The following KSR2 variants were observed in gnomAD, a reference collection of about 807,000 sequenced individuals.
KSR2 encodes kinase suppressor of ras 2.
KSR2 carries 25 observed loss-of-function variants against 107.8 expected under a neutral mutation model. The ratio of observed to expected loss-of-function variants is 0.23; its 90% CI spans 0.17 to 0.32. The LOEUF (loss-of-function observed/expected upper bound fraction) is 0.32, where lower values mean the gene tolerates loss of function less well. Ranked by LOEUF, KSR2 falls within the 10% of genes least tolerant of loss-of-function variation. The pLI is 1.00. For missense variants in KSR2, 887 were observed against 1,268.9 expected, an observed-to-expected ratio of 0.70 and a Z score of 4.57; for synonymous variants, 480 against 507.0, an observed-to-expected ratio of 0.95 and a Z score of 0.71.
intron 14 of KSR2, among the ~76,000 whole-genome samples, chr12:117,491,730 T>C (rs997307309): frequency 1.3e-5 from 2 of 152,204 alleles, no homozygotes; most frequent in African/African-American, 4.8e-5. Flanking sequence ...CTGATTTCCG[T>C]TCCTCTGGAT....
intron 1 of KSR2, among the ~76,000 whole-genome samples, chr12:117,912,394 G>A (rs1278049423): frequency 1.3e-5 from 2 of 152,200 alleles, no homozygotes; most frequent in Non-Finnish European, 2.9e-5. Flanking sequence ...CACAAAAAAT[G>A]TACCTGTGAC....
In KSR2 at chr12:117,797,021, G is replaced by A. The variant is rs369286198; in HGVS notation, c.473-35497C>T. 9.2e-5 allele frequency among the ~76,000 whole-genome samples: 14 copies of A among 152,288 alleles called. No homozygotes were observed. The East Asian group carries it at 2.5e-3, about 27-fold the overall frequency. The stretch of plus-strand genomic sequence containing the variant: ...AAAGAACAAAGCCAACCCAGCCCCT[G>A]ATCCCCAGAGCTCACCATGCGGATG... On this transcript the variant is annotated intron_variant, in intron 3 of 19. Transcript: ENST00000339824.
intron 1 of KSR2, among the ~76,000 whole-genome samples, chr12:117,894,499 T>TA (rs989517130): frequency 2.0e-5 from 3 of 151,114 alleles, no homozygotes; most frequent in South Asian, 2.1e-4. Flanking sequence ...ATCTCATCCC[T>TA]AAAAAAAAAT....
intron 1 of KSR2, among the ~76,000 whole-genome samples, chr12:117,902,565 T>G (rs1894720260): frequency 6.6e-6 from 1 of 150,704 alleles, no homozygotes; most frequent in Admixed American, 6.6e-5. Context: ...AGTACAGATG[T>G]CATTAGACTC....
chr12:117,936,706 T>C (rs1242551360), intron 1 of KSR2, among the ~76,000 whole-genome samples: 1 of 152,050 alleles, frequency 6.6e-6, no homozygotes, highest in Non-Finnish European at 1.5e-5. Flanking sequence ...TCAGTGACTG[T>C]GAAAACAGCT....
At chr12:117,606,799 CCCTT>C (rs1881304709) in intron 5 of KSR2, among the ~76,000 whole-genome samples, 1 of 151,428 alleles carries the variant, frequency 6.6e-6, no homozygotes, top group Admixed American at 6.6e-5. Flanking sequence ...TTTCCTCCCT[CCCTT>C]CCTTTCTCCT....
chr12:117,858,363 G>A (rs2137236064), intron 2 of KSR2, among the ~76,000 whole-genome samples: 1 of 152,206 alleles, frequency 6.6e-6, no homozygotes, highest in Non-Finnish European at 1.5e-5. Flanking sequence ...TCATTCTAAG[G>A]ATATTTGCAA....
intron 15 of KSR2, among the ~76,000 whole-genome samples, chr12:117,484,927 C>T (rs76254155): frequency 1.9e-4 from 29 of 152,304 alleles, no homozygotes; most frequent in African/African-American, 6.7e-4. Flanking sequence ...ATCTACTTAA[C>T]CTATGCTGCC....
chr12:117,952,715 G>T (rs1042035597), intron 1 of KSR2, among the ~76,000 whole-genome samples: 1 of 151,710 alleles, frequency 6.6e-6, no homozygotes, highest in Non-Finnish European at 1.5e-5. Flanking sequence ...CGTGCGTGGC[G>T]GCTCACACCT....
At chr12:117,494,634 C>T (rs938298002) in intron 14 of KSR2, among the ~76,000 whole-genome samples, 3 of 152,058 alleles carry the variant, frequency 2.0e-5, no homozygotes, top group Non-Finnish European at 4.4e-5. Flanking sequence ...ACTGTATGCA[C>T]GACAGACCTA....
At chr12:117,545,816 G>A (rs1350497168) in intron 9 of KSR2, among the ~76,000 whole-genome samples, 1 of 151,988 alleles carries the variant, frequency 6.6e-6, no homozygotes, top group East Asian at 1.9e-4. Flanking sequence ...TTTTTAAATG[G>A]CTGCTGTAGG....
intron 4 of KSR2, among the ~76,000 whole-genome samples, chr12:117,751,935 T>C (rs1888625751): frequency 6.6e-6 from 1 of 152,160 alleles, no homozygotes; most frequent in African/African-American, 2.4e-5. Context: ...AGACTAGTCA[T>C]TCCTCTCTTG....
chr12:117,813,280 C>T (rs950601122), intron 3 of KSR2, among the ~76,000 whole-genome samples: 3 of 152,012 alleles, frequency 2.0e-5, no homozygotes, highest in Non-Finnish European at 4.4e-5. Context: ...AAAAAATAGA[C>T]AAATGGGATT....
intron 3 of KSR2, among the ~76,000 whole-genome samples, chr12:117,849,612 G>A (rs1324844745): frequency 1.3e-5 from 2 of 152,102 alleles, no homozygotes; most frequent in Non-Finnish European, 2.9e-5. Context: ...TTGGGCACTG[G>A]AAAATAAAGA....
chr12:117,513,748 TG>T (rs1168227232), intron 14 of KSR2, among the ~76,000 whole-genome samples: 5 of 151,840 alleles, frequency 3.3e-5, no homozygotes, highest in Admixed American at 2.6e-4. Flanking sequence ...GACGAGAGAG[TG>T]GATGGATACA....
chr12:117,908,261 G>A (rs1007103747), intron 1 of KSR2, among the ~76,000 whole-genome samples: 1 of 146,116 alleles, frequency 6.8e-6, no homozygotes. Flanking sequence ...CTTTGTTTGC[G>A]CCTTTTTTTT....
intron 1 of KSR2, among the ~76,000 whole-genome samples, chr12:117,898,890 C>A (rs916459103): frequency 2.0e-5 from 3 of 152,080 alleles, no homozygotes; most frequent in African/African-American, 4.8e-5. Flanking sequence ...TAATTGAATT[C>A]TTTGTTTTCC....
At chr12:117,488,498 G>A (rs760613070) in intron 14 of KSR2, among the ~76,000 whole-genome samples, 8 of 152,142 alleles carry the variant, frequency 5.3e-5, no homozygotes, top group Non-Finnish European at 8.8e-5. Context: ...AGATAATTAA[G>A]TCATGAGAGC....
intron 5 of KSR2, among the ~76,000 whole-genome samples, chr12:117,603,062 C>G (rs1392588992): frequency 6.6e-6 from 1 of 152,192 alleles, no homozygotes; most frequent in Non-Finnish European, 1.5e-5. Flanking sequence ...CCATCTCAAT[C>G]ATGGAAAAAT....
Sources: gnomAD v4.1 joint callset for allele counts (sites outside exome capture counted in the v4.1 genomes callset) on GRCh38, gnomAD v4.1.1 for gene constraint, MANE v1.5 for transcripts, NCBI Gene and HGNC (gene_info 2026-07-23, HGNC 2026-07-21) for gene names.